FOXN4: variants seen among roughly 807,000 people sequenced by gnomAD.
The protein encoded by FOXN4 is forkhead box protein N4.
A neutral mutation model predicts 45.0 loss-of-function variants in FOXN4; 12 were observed. The ratio of observed to expected loss-of-function variants is 0.27; its 90% CI spans 0.17 to 0.43. The LOEUF (loss-of-function observed/expected upper bound fraction) is 0.43. Ranked by LOEUF, FOXN4 falls within the 20% of genes least tolerant of loss-of-function variation. The pLI is 1.00. For missense variants in FOXN4, 560 were observed against 694.9 expected (o/e 0.81, Z 2.18); for synonymous variants, 297 against 295.0 (o/e 1.01, Z -0.07).
intron 2 of FOXN4, among the ~76,000 whole-genome samples, chr12:109,307,330 G>A (rs1400176411): frequency 6.6e-6 from 1 of 152,176 alleles, no homozygotes; most frequent in African/African-American, 2.4e-5. Flanking sequence ...CCGTAATCTG[G>A]ACTGTGCCCC....
intron 2 of FOXN4, among the ~76,000 whole-genome samples, chr12:109,296,504 C>T (rs544109572): frequency 1.6e-4 from 24 of 152,300 alleles, no homozygotes; most frequent in African/African-American, 5.3e-4. Flanking sequence ...CCCCAGGGAG[C>T]GCTCTAGTTG....
At chr12:109,286,499 TGTGA>T in intron 7 of FOXN4, 145 bp downstream of exon 7, 1 of 718,162 alleles carries the variant, frequency 1.4e-6, no homozygotes, top group Non-Finnish European at 2.3e-6. Flanking sequence ...CTTTCTTCTG[TGTGA>T]GTGTGTGTGC....
At position 109,288,185 on chromosome 12, in the gene FOXN4, C is replaced by T. The variant is rs928176189; in HGVS notation, c.233-5G>A. The T allele has an allele frequency of 5.6e-5, 86 of 1,547,508 alleles. No individual in the cohort carries two copies. The highest frequency in any genetic ancestry group is 6.5e-5 in the Non-Finnish European group (75 of 1,146,324). ...CGGCCACCCCAGCCAAGGCACCTGC[C>T]GGAGAGAAGCACAGAGACGCTGCTG... On this transcript the variant is annotated splice_region_variant and splice_polypyrimidine_tract_variant and intron_variant, in intron 3 of 9. Transcript: ENST00000299162. This position sits in a 1 kb window ranked among gnomAD's most constrained non-coding sequence, Gnocchi z 4.3.
At chr12:109,285,705 G>C (rs2047703430) in intron 7 of FOXN4, among the ~76,000 whole-genome samples, 194 bp from the exon 8 acceptor site, 1 of 152,168 alleles carries the variant, frequency 6.6e-6, no homozygotes, top group Non-Finnish European at 1.5e-5. Flanking sequence ...GCCATGCCCT[G>C]ATGAGAGGGG....
At position 109,287,020 on chromosome 12, in the gene FOXN4, A is replaced by G. The variant is rs546555690; in HGVS notation, c.597-276T>C. ...TTGCATCCCCATAATTTTAATGGCT[A>G]TGAGCCTTCAGACTTTACCTAGGTT... On this transcript the variant is annotated intron_variant, in intron 6 of 9. Coordinates refer to ENST00000299162, the MANE Select transcript of FOXN4 (RefSeq NM_213596.3). The surrounding 1 kb of genome is among the most constrained non-coding windows in gnomAD (Gnocchi z 4.1). Among the ~76,000 whole-genome samples the G allele has an allele frequency of 6.6e-6, 1 of 152,248 alleles. No homozygotes were observed. Among genetic ancestry groups the G allele is most frequent in the African/African-American group, 2.4e-5 (1 of 41,550 alleles).
intron 2 of FOXN4, among the ~76,000 whole-genome samples, chr12:109,295,614 T>C (rs1183179196): frequency 6.6e-6 from 1 of 152,228 alleles, no homozygotes; most frequent in East Asian, 1.9e-4. Flanking sequence ...GGCGAAACCC[T>C]GTCTCTACTA....
chr12:109,302,679 C>T (rs78266446), intron 2 of FOXN4, among the ~76,000 whole-genome samples: 2,855 of 152,264 alleles, frequency 0.019, 99 homozygotes, highest in African/African-American at 0.064. Flanking sequence ...CCACTTCATT[C>T]TCTCCTCTGC....
At chr12:109,283,329 A>G (rs1052959019) in intron 8 of FOXN4, among the ~76,000 whole-genome samples, 2 of 152,192 alleles carry the variant, frequency 1.3e-5, no homozygotes, top group African/African-American at 4.8e-5. Context: ...ACACACAAGC[A>G]TATTTATTCT....
At chr12:109,306,036 CAA>C (rs2047919219) in intron 2 of FOXN4, among the ~76,000 whole-genome samples, 1 of 152,104 alleles carries the variant, frequency 6.6e-6, no homozygotes, top group South Asian at 2.1e-4. Flanking sequence ...TGAACAAGGT[CAA>C]GACTCCGGGG....
chr12:109,305,382 G>GTTA (rs35399235), intron 2 of FOXN4, among the ~76,000 whole-genome samples: 40,454 of 151,726 alleles, frequency 0.27, 5,741 homozygotes, highest in Admixed American at 0.38. Context: ...TATTATTGTT[G>GTTA]TTATTATTAT....
rs115760369 is a variant in FOXN4, at chr12:109,302,361, A to G, written c.86+5875T>C. On this transcript the variant is annotated intron_variant, in intron 2 of 9. Transcript: ENST00000299162. ...ATGGTTTCTGTGGGAATACTTGCCT[A>G]CATAGCTGAAGTCCAGAGACCACAA... 4.9e-3 allele frequency among the ~76,000 whole-genome samples: 741 copies of G among 152,336 alleles called. 10 individuals are homozygous for G. Among genetic ancestry groups the G allele is most frequent in the African/African-American group, 0.017 (720 of 41,578 alleles).
intron 2 of FOXN4, among the ~76,000 whole-genome samples, chr12:109,294,453 G>A (rs2047797814): frequency 6.6e-6 from 1 of 151,898 alleles, no homozygotes; most frequent in Admixed American, 6.6e-5. Flanking sequence ...TACATGCTTG[G>A]GGTCGATGGC....
chr12:109,306,378 C>T (rs2047922173), intron 2 of FOXN4, among the ~76,000 whole-genome samples: 1 of 152,188 alleles, frequency 6.6e-6, no homozygotes, highest in South Asian at 2.1e-4. Context: ...TGTCTGAATC[C>T]TAGCAATTGT....
At chr12:109,285,155 CGCATA>C in intron 8 of FOXN4, 144 bp downstream of exon 8, 4 of 914,334 alleles carry the variant, frequency 4.4e-6, no homozygotes, top group Admixed American at 2.1e-5. Context: ...TGTGTGTGTG[CGCATA>C]TTTGTGTGTG....
rs763259820 is a variant in FOXN4 at position 109,287,905 on chromosome 12, G to A, written c.407C>T (p.Pro136Leu). The change falls in exon 5 of 10, where the codon CCG (proline) becomes CTG (leucine). Residue 136 changes from proline to leucine, a missense_variant. This residue lies in a region of FOXN4 where 142 missense variants were observed against 185.7 expected (regional missense o/e 0.76). Transcript: ENST00000299162. The surrounding 1 kb of genome is among the most constrained non-coding windows in gnomAD (Gnocchi z 4.1). ...GGQPSSGLQD[P>L]PHLYSPATQP... Reference sequence around the variant, plus strand: ...GGTGGCAGGTGAGTACAGATGCGGCGGGTCCTGCAGGCCAGATGAGGGCTG... The same window carrying A: ...GGTGGCAGGTGAGTACAGATGCGGCAGGTCCTGCAGGCCAGATGAGGGCTG... The A allele has an allele frequency of 2.5e-5, 38 of 1,550,112 alleles. No homozygotes were observed. Among genetic ancestry groups the A allele is most frequent in the South Asian group, 2.0e-4 (17 of 84,042 alleles).
rs1009196220 is a variant in FOXN4, at chr12:109,290,584, G to A, written c.87-298C>T. ...GAGGACTTGACCAGTGCCAGACACC[G>A]ATCAAGCCTTTTTACACTCCCAGTC... On this transcript the variant is annotated intron_variant, in intron 2 of 9. Coordinates refer to ENST00000299162, the MANE Select transcript of FOXN4 (RefSeq NM_213596.3). The surrounding 1 kb of genome is among the most constrained non-coding windows in gnomAD (Gnocchi z 5.1). Among the ~76,000 whole-genome samples, 1 of 152,168 alleles carries A rather than the reference G, an allele frequency of 6.6e-6. No homozygotes were observed. The highest frequency in any genetic ancestry group is 1.9e-4 in the East Asian group (1 of 5,186).
rs1174951609 is a variant in FOXN4, at chr12:109,287,498, G to C, written c.495C>G (p.Pro165=). The change falls in exon 6 of 10, where the codon CCC becomes CCG. Residue 165 remains proline (P), a synonymous_variant. Coordinates refer to ENST00000299162, the MANE Select transcript of FOXN4 (RefSeq NM_213596.3). This position sits in a 1 kb window ranked among gnomAD's most constrained non-coding sequence, Gnocchi z 4.1. ...GGTAGGGGGGCCGCACCCCAAATGG[G>C]GGGCCATAGAGGCCCACAGGAGGGC... ...QQCPPVGLYG[P]PFGVRPPYPQ... The C allele has an allele frequency of 6.5e-7, 1 of 1,546,862 alleles. No individual in the cohort carries two copies.
chr12:109,308,328 G>C lies in FOXN4; in HGVS notation c.-3-4C>G, dbSNP rs1045874380. On this transcript the variant is annotated splice_region_variant and splice_polypyrimidine_tract_variant and intron_variant, in intron 1 of 9. Coordinates refer to ENST00000299162, the MANE Select transcript of FOXN4 (RefSeq NM_213596.3). ...AGGTGTCACTTTCTATCATCTCCTT[G>C]GGAAAAGACAAGCAGAAAACAAAGC... is the stretch of plus-strand genomic sequence containing the variant. 5.2e-6 allele frequency: 8 copies of C among 1,549,124 alleles called. No individual in the cohort carries two copies. The highest frequency in any genetic ancestry group is 7.0e-6 in the Non-Finnish European group (8 of 1,145,262).
rs543719904 is a variant in FOXN4 at position 109,286,128 on chromosome 12, T to A, written c.693+520A>T. On this transcript the variant is annotated intron_variant, in intron 7 of 9. Transcript: ENST00000299162. ...ACTGCAGTATTTTTGCTAAGGACACTGTCCAATCCAGGGACCCCACAGCTT... is the reference window on the plus strand; with the variant it reads ...ACTGCAGTATTTTTGCTAAGGACACAGTCCAATCCAGGGACCCCACAGCTT... 2.0e-5 allele frequency among the ~76,000 whole-genome samples: 3 copies of A among 152,226 alleles called. No individual in the cohort carries two copies. In the East Asian group the frequency reaches 5.8e-4, roughly 29 times the overall value.
Sources: gnomAD v4.1 joint callset for allele counts (sites outside exome capture counted in the v4.1 genomes callset) on GRCh38, gnomAD v4.1.1 for gene constraint, gnomAD v4.1.1 regional missense constraint, Gnocchi (gnomAD v3.1) non-coding constraint, MANE v1.5 for transcripts, NCBI Gene and HGNC (gene_info 2026-07-23, HGNC 2026-07-21) for gene names.